Variants in SLIT3 observed in about 807,000 individuals in gnomAD.
The protein encoded by SLIT3 is slit guidance ligand 3.
Under a neutral mutation model 184.0 loss-of-function variants are expected in SLIT3, and 68 were observed. The observed-to-expected ratio is 0.37, with a 90% CI of 0.30 to 0.45. SLIT3 has a LOEUF of 0.45. SLIT3 is among the 20% of genes least tolerant of loss of function. The pLI, the probability that SLIT3 is intolerant of heterozygous loss-of-function variation, is 1.00. For missense variants in SLIT3, 1,707 were observed against 2,026.0 expected (o/e 0.84, Z 3.02); for synonymous variants, 831 against 828.6 (o/e 1.00, Z -0.05).
At chr5:169,211,970 T>C (rs1764280080) in intron 3 of SLIT3, among the ~76,000 whole-genome samples, 1 of 152,244 alleles carries the variant, frequency 6.6e-6, no homozygotes, top group African/African-American at 2.4e-5. Context: ...ACTCATCCTT[T>C]TTTATGGCTG....
Position 168,710,979 on chromosome 5 carries a change from G to A in SLIT3, c.2635C>T (p.Pro879Ser), listed in dbSNP as rs768977715. The A allele has an allele frequency of 3.8e-5, 59 of 1,569,056 alleles. No homozygotes were observed. Among genetic ancestry groups the A allele is most frequent in the Non-Finnish European group, 5.1e-5 (59 of 1,156,060 alleles). ...SEWVKAGYKE[P>S]GIARCSSPEP... ...GGGCTACTGCAGCGGGCGATGCCAG[G>A]CTCCTTGTACCCCGCCTTCACCCAC... Residue 879 changes from proline (P) to serine (S), a missense_variant, in exon 25 of 36, where the codon CCT becomes TCT. Pro to Ser is a moderately conservative substitution (Grantham distance 74). This residue lies in a region of SLIT3 where 1,307 missense variants were observed against 1,511.6 expected (regional missense o/e 0.86). Coordinates refer to ENST00000519560, the MANE Select transcript of SLIT3 (RefSeq NM_003062.4).
intron 4 of SLIT3, among the ~76,000 whole-genome samples, chr5:169,182,987 TCA>T: frequency 6.6e-6 from 1 of 152,312 alleles, no homozygotes; most frequent in Non-Finnish European, 1.5e-5. Flanking sequence ...GGCTCAGCTG[TCA>T]CAGTTTCAAC....
intron 3 of SLIT3, among the ~76,000 whole-genome samples, chr5:169,203,351 GCACA>G (rs36206656): frequency 0.19 from 28,648 of 147,362 alleles, 3,034 homozygotes; most frequent in East Asian, 0.45. Context: ...ATGTGAATGT[GCACA>G]CACACACACA....
intron 4 of SLIT3, among the ~76,000 whole-genome samples, chr5:168,997,058 A>G (rs569248301): frequency 8.1e-4 from 123 of 152,284 alleles, no homozygotes; most frequent in Non-Finnish European, 1.9e-4. Flanking sequence ...GGAGGGATCA[A>G]CCGCCTCATT....
At chr5:168,740,031 A>G (rs1186630485) in intron 20 of SLIT3, among the ~76,000 whole-genome samples, 3 of 152,362 alleles carry the variant, frequency 2.0e-5, no homozygotes, top group East Asian at 3.9e-4. Context: ...CAGTGTTAGT[A>G]ATATGATCAA....
chr5:168,662,053 G>A lies in SLIT3; in HGVS notation c.*4401C>T, dbSNP rs1015716786. ...AGCCCACACTACAAAACATGAACAA[G>A]TCCCACAAAACCACACTATGCCCTC... On this transcript the variant is annotated 3_prime_UTR_variant, in exon 36 of 36. Transcript: ENST00000519560. 6 of 152,212 alleles carry A rather than the reference G, an allele frequency of 3.9e-5. No individual in the cohort carries two copies. Among genetic ancestry groups the A allele is most frequent in the African/African-American group, 1.4e-4 (6 of 41,444 alleles). 9.4% of individuals were successfully genotyped at this position (152,212 alleles called of 1,614,324 possible).
At chr5:168,834,184 G>C (rs1561958070) in intron 6 of SLIT3, among the ~76,000 whole-genome samples, 1 of 152,150 alleles carries the variant, frequency 6.6e-6, no homozygotes, top group African/African-American at 2.4e-5. Flanking sequence ...TATACCTGTG[G>C]AGACAGGAAG....
chr5:169,246,701 A>G (rs1356565403), intron 2 of SLIT3, among the ~76,000 whole-genome samples: 1 of 152,194 alleles, frequency 6.6e-6, no homozygotes, highest in East Asian at 1.9e-4. Flanking sequence ...CAGGTGGACC[A>G]GGAGGTCAGG....
intron 4 of SLIT3, among the ~76,000 whole-genome samples, chr5:169,134,355 T>C (rs1008949624): frequency 6.6e-6 from 1 of 152,208 alleles, no homozygotes; most frequent in Non-Finnish European, 1.5e-5. Context: ...CCAGACTGGC[T>C]TTCTTTCAGC....
rs9313434 is a variant in SLIT3 at position 168,950,184 on chromosome 5, G to C, written c.414-66848C>G. On this transcript the variant is annotated intron_variant, in intron 4 of 35. Coordinates refer to ENST00000519560, the MANE Select transcript of SLIT3 (RefSeq NM_003062.4). The stretch of plus-strand genomic sequence containing the variant: ...TGAATGAAATTGTGCCCTTATAAAA[G>C]GGACCCCAGAGAGCTGCCTTGTCCC... Among the ~76,000 whole-genome samples, 896 of 151,824 alleles carry C rather than the reference G, an allele frequency of 5.9e-3. 14 individuals carry two copies. Among genetic ancestry groups the C allele is most frequent in the African/African-American group, 0.021 (862 of 41,370 alleles).
rs191704201 is a variant in SLIT3 at position 169,097,938 on chromosome 5, C to A, written c.413+95541G>T. 6.6e-5 allele frequency among the ~76,000 whole-genome samples: 10 copies of A among 152,302 alleles called. No homozygotes were observed. The East Asian group carries it at 1.9e-3, about 29-fold the overall frequency. On this transcript the variant is annotated intron_variant, in intron 4 of 35. Transcript: ENST00000519560. ...AGCTTTTAAAAATATAAGTAGGGAA[C>A]CCCCAGGGAGCCTGAAGCAGGGGCT...
intron 4 of SLIT3, among the ~76,000 whole-genome samples, chr5:168,891,894 A>T (rs1760477252): frequency 6.6e-6 from 1 of 152,214 alleles, no homozygotes; most frequent in South Asian, 2.1e-4. Context: ...GCATGTGGAC[A>T]ACAGGAATAG....
intron 5 of SLIT3, among the ~76,000 whole-genome samples, chr5:168,860,149 C>G (rs369424423): frequency 1.3e-5 from 2 of 151,898 alleles, no homozygotes; most frequent in South Asian, 4.2e-4. Context: ...CAGAGATCAT[C>G]AGATGCAAGC....
chr5:169,112,903 C>T (rs986030672), intron 4 of SLIT3, among the ~76,000 whole-genome samples: 5 of 152,152 alleles, frequency 3.3e-5, no homozygotes, highest in Admixed American at 3.3e-4. Context: ...CAGTAACTCT[C>T]CTTCCATGCA....
At position 168,666,436 on chromosome 5, in the gene SLIT3, AGGCAGGCG is replaced by A. The variant is rs768418458; in HGVS notation, c.*10_*17del. On this transcript the variant is annotated 3_prime_UTR_variant, in exon 36 of 36. Transcript: ENST00000519560. ...ATCAAGCTGGAGTCCGAGAGGTGGC[AGGCAGGCG>A]GGCAGGGGCTTAGGAACACGCGAGG... 21 of 1,532,462 alleles carry A rather than the reference AGGCAGGCG, an allele frequency of 1.4e-5. No individual in the cohort carries two copies. The highest frequency in any genetic ancestry group is 1.8e-5 in the Non-Finnish European group (20 of 1,138,078). The allele number at this position is 1,532,462 out of a possible 1,614,324, so 94.9% of individuals were successfully genotyped here.
intron 4 of SLIT3, among the ~76,000 whole-genome samples, chr5:168,901,475 C>T (rs1017438857): frequency 1.3e-5 from 2 of 152,156 alleles, no homozygotes; most frequent in African/African-American, 4.8e-5. Context: ...CCAGTCAGTC[C>T]TCCCAGTTTG....
At chr5:168,960,226 A>T (rs1398441756) in intron 4 of SLIT3, among the ~76,000 whole-genome samples, 1 of 152,194 alleles carries the variant, frequency 6.6e-6, no homozygotes, top group Non-Finnish European at 1.5e-5. Context: ...GGCAGGTAAT[A>T]GTCGGTGCTT....
intron 4 of SLIT3, among the ~76,000 whole-genome samples, chr5:168,945,651 G>A (rs1377969656): frequency 6.6e-6 from 1 of 152,172 alleles, no homozygotes; most frequent in East Asian, 1.9e-4. Context: ...ATATGTTCTA[G>A]GTCTGCTTTC....
intron 28 of SLIT3, among the ~76,000 whole-genome samples, chr5:168,695,306 C>T (rs1027693389): frequency 2.0e-5 from 3 of 152,080 alleles, no homozygotes; most frequent in Non-Finnish European, 2.9e-5. Flanking sequence ...AACACAGGAT[C>T]GCTGGGCTGG....
Sources: allele counts gnomAD v4.1 joint callset (sites outside exome capture counted in the v4.1 genomes callset), GRCh38; gene constraint gnomAD v4.1.1; regional missense constraint gnomAD v4.1.1; transcripts MANE v1.5; gene names NCBI Gene and HGNC (gene_info 2026-07-23, HGNC 2026-07-21).